Variants in CNTN4 observed in about 807,000 individuals in gnomAD.
CNTN4 encodes contactin-4.
A neutral mutation model predicts 122.5 loss-of-function variants in CNTN4; 77 were observed. The ratio of observed to expected loss-of-function variants is 0.63; its 90% CI spans 0.52 to 0.76. The LOEUF is 0.76. CNTN4 is among the 30% of genes least tolerant of loss of function. The pLI is 0.00. For missense variants in CNTN4, 1,256 were observed against 1,259.1 expected (o/e 1.00, Z 0.04); for synonymous variants, 512 against 447.0 (o/e 1.15, Z -1.83).
At chr3:2,920,800 C>A (rs766707280) in intron 12 of CNTN4, among the ~76,000 whole-genome samples, 2 of 94,318 alleles carry the variant, frequency 2.1e-5, no homozygotes, top group African/African-American at 7.5e-5. Flanking sequence ...TTGTAAAATT[C>A]TTTTGTTTCA....
intron 2 of CNTN4, among the ~76,000 whole-genome samples, chr3:2,194,235 A>G (rs2037730985): frequency 6.6e-6 from 1 of 152,116 alleles, no homozygotes; most frequent in Admixed American, 6.5e-5. Context: ...AGGCTGAGGC[A>G]GGAGGATCAC....
Position 2,937,564 on chromosome 3 carries a change from G to T in CNTN4, c.1358+11785G>T, listed in dbSNP as rs569394807. 4.1e-4 allele frequency among the ~76,000 whole-genome samples: 63 copies of T among 152,300 alleles called. No homozygotes were observed. In the South Asian group the frequency reaches 0.012, roughly 30 times the overall value. On this transcript the variant is annotated intron_variant, in intron 13 of 24. Coordinates refer to ENST00000418658, the MANE Select transcript of CNTN4 (RefSeq NM_175607.3). ...TTATGCTGATAAATATTTATGAATG[G>T]TCTAGTTCCGTTGGGGAAGGAAAGA...
At chr3:2,376,165 G>A (rs1487602884) in intron 3 of CNTN4, among the ~76,000 whole-genome samples, 1 of 152,086 alleles carries the variant, frequency 6.6e-6, no homozygotes, top group African/African-American at 2.4e-5. Context: ...TATGTTGAGG[G>A]ACTCCACTAT....
intron 4 of CNTN4, among the ~76,000 whole-genome samples, chr3:2,735,168 G>A (rs997568404): frequency 2.6e-5 from 4 of 152,134 alleles, no homozygotes; most frequent in African/African-American, 9.7e-5. Context: ...AAAAAGATAA[G>A]CGTCTTGGGA....
At chr3:2,154,664 C>T (rs1369613021) in intron 2 of CNTN4, among the ~76,000 whole-genome samples, 1 of 152,178 alleles carries the variant, frequency 6.6e-6, no homozygotes, top group Non-Finnish European at 1.5e-5. Flanking sequence ...TGGTTTTACA[C>T]AAATAGTGAA....
intron 2 of CNTN4, among the ~76,000 whole-genome samples, chr3:2,270,376 T>C (rs2149811944): frequency 6.6e-6 from 1 of 152,276 alleles, no homozygotes; most frequent in Admixed American, 6.5e-5. Flanking sequence ...CTAAGCCTAG[T>C]ACCTGATAGC....
At chr3:2,200,426 A>C (rs1473060630) in intron 2 of CNTN4, among the ~76,000 whole-genome samples, 1 of 152,154 alleles carries the variant, frequency 6.6e-6, no homozygotes, top group Non-Finnish European at 1.5e-5. Context: ...CTCCCGGGAC[A>C]TTTGGCAATT....
At chr3:2,638,188 A>T (rs1239688830) in intron 4 of CNTN4, among the ~76,000 whole-genome samples, 1 of 152,162 alleles carries the variant, frequency 6.6e-6, no homozygotes, top group Non-Finnish European at 1.5e-5. Flanking sequence ...CTTAATGCCC[A>T]TTCTCACATG....
intron 2 of CNTN4, among the ~76,000 whole-genome samples, chr3:2,284,318 A>G (rs2041829727): frequency 6.6e-6 from 1 of 152,152 alleles, no homozygotes; most frequent in African/African-American, 2.4e-5. Flanking sequence ...CAATTAAATT[A>G]TTTGAAAATG....
chr3:2,738,051 A>G (rs2089242972), intron 5 of CNTN4, among the ~76,000 whole-genome samples: 1 of 152,230 alleles, frequency 6.6e-6, no homozygotes. Flanking sequence ...TCAGGATTCC[A>G]GAAGAAGCAT....
rs575576050 is a variant in CNTN4 at position 2,973,250 on chromosome 3, A to G, written c.1359-15095A>G. 3.3e-5 allele frequency among the ~76,000 whole-genome samples: 5 copies of G among 152,210 alleles called. No homozygotes were observed. The South Asian group carries it at 1.0e-3, about 32-fold the overall frequency. ...CATGGAAGTTTCTCCTATGCAAAACAGATCTGAAGGTACAGAAAACATAAA... is the reference window on the plus strand; with the variant it reads ...CATGGAAGTTTCTCCTATGCAAAACGGATCTGAAGGTACAGAAAACATAAA... On this transcript the variant is annotated intron_variant, in intron 13 of 24. Coordinates refer to ENST00000418658, the MANE Select transcript of CNTN4 (RefSeq NM_175607.3).
At chr3:2,590,803 C>T (rs1207733768) in intron 4 of CNTN4, among the ~76,000 whole-genome samples, 1 of 151,922 alleles carries the variant, frequency 6.6e-6, no homozygotes, top group Non-Finnish European at 1.5e-5. Context: ...TGCTTAAATA[C>T]CTCTCCAGCA....
At chr3:2,344,116 C>G (rs2044309410) in intron 3 of CNTN4, among the ~76,000 whole-genome samples, 2 of 152,166 alleles carry the variant, frequency 1.3e-5, no homozygotes, top group Non-Finnish European at 2.9e-5. Flanking sequence ...TAGGCCCCAC[C>G]TCCCATCTAG....
intron 2 of CNTN4, among the ~76,000 whole-genome samples, chr3:2,186,330 T>C (rs1191558324): frequency 1.3e-4 from 20 of 152,186 alleles, no homozygotes; most frequent in Admixed American, 6.5e-4. Flanking sequence ...CAGTCTATCA[T>C]TGATGGACAT....
chr3:2,592,459 ATGT>A (rs1314186013), intron 4 of CNTN4, among the ~76,000 whole-genome samples: 1 of 152,156 alleles, frequency 6.6e-6, no homozygotes, highest in African/African-American at 2.4e-5. Context: ...TAATTCCCAC[ATGT>A]TGTGGGACGT....
chr3:2,475,140 C>G (rs2075801222), intron 3 of CNTN4, among the ~76,000 whole-genome samples: 2 of 152,098 alleles, frequency 1.3e-5, no homozygotes, highest in African/African-American at 4.8e-5. Context: ...ATTTTAAATT[C>G]TTTGTTAATT....
chr3:2,589,254 C>T (rs1480434288), intron 4 of CNTN4, among the ~76,000 whole-genome samples: 2 of 152,170 alleles, frequency 1.3e-5, no homozygotes, highest in East Asian at 1.9e-4. Context: ...AGATTTGACA[C>T]AGAAACCATT....
chr3:2,925,518 A>C, intron 12 of CNTN4, 111 bp from the exon 13 acceptor site: 2 of 1,180,626 alleles, frequency 1.7e-6, no homozygotes, highest in Non-Finnish European at 1.2e-6. Context: ...GCACCACTGC[A>C]CTGGCAACAG....
chr3:3,022,625 T>C (rs1341704531), intron 14 of CNTN4, among the ~76,000 whole-genome samples: 3 of 152,224 alleles, frequency 2.0e-5, no homozygotes, highest in African/African-American at 7.2e-5. Context: ...AAAATAATGG[T>C]TAATAATTAA....
Sources: allele counts gnomAD v4.1 joint callset (sites outside exome capture counted in the v4.1 genomes callset), GRCh38; gene constraint gnomAD v4.1.1; transcripts MANE v1.5; gene names NCBI Gene and HGNC (gene_info 2026-07-23, HGNC 2026-07-21).